Variants in TMEM260 observed in about 807,000 individuals in gnomAD.
The protein encoded by TMEM260 is protein O-mannosyl-transferase TMEM260.
Under a neutral mutation model 88.9 loss-of-function variants are expected in TMEM260, and 82 were observed. That is an observed-to-expected ratio of 0.92 (90% CI 0.77 to 1.11). The LOEUF (loss-of-function observed/expected upper bound fraction) is 1.11. Ranked by LOEUF, TMEM260 falls within the 50% of genes least tolerant of loss-of-function variation. The pLI, the probability that TMEM260 is intolerant of heterozygous loss-of-function variation, is 0.00. For synonymous variants in TMEM260, 314 were observed against 309.3 expected (o/e 1.02, Z -0.16); for missense variants, 902 against 853.4 (o/e 1.06, Z -0.71).
chr14:56,644,980 A>G (rs1160567384), intron 15 of TMEM260, among the ~76,000 whole-genome samples: 1 of 151,998 alleles, frequency 6.6e-6, no homozygotes, highest in Non-Finnish European at 1.5e-5. Context: ...CAATCATTAA[A>G]AAGTCAGGAA....
chr14:56,655,664 G>A, the TMEM260 span, among the ~76,000 whole-genome samples: 1 of 152,154 alleles, frequency 6.6e-6, no homozygotes, highest in Non-Finnish European at 1.5e-5. Context: ...CCAAGAAAAT[G>A]TGTGAACAAG....
intron 11 of TMEM260, among the ~76,000 whole-genome samples, chr14:56,622,070 G>A (rs1407375021): frequency 2.0e-5 from 3 of 152,128 alleles, no homozygotes; most frequent in South Asian, 2.1e-4. Context: ...CAGGCCGGGC[G>A]CAGTGGCTCA....
chr14:56,605,390 T>G (rs1340508608), intron 4 of TMEM260, among the ~76,000 whole-genome samples, 180 bp from the exon 5 acceptor site: 2 of 152,166 alleles, frequency 1.3e-5, no homozygotes, highest in African/African-American at 4.8e-5. Context: ...TTGGAAAATA[T>G]TAACAAAAAT....
At position 56,643,476 on chromosome 14, in the gene TMEM260, C is replaced by T. The variant is rs1889747841; in HGVS notation, c.1870-3767C>T. 2.0e-5 allele frequency among the ~76,000 whole-genome samples: 3 copies of T among 152,078 alleles called. No homozygotes were observed. The South Asian group carries it at 6.2e-4, about 32-fold the overall frequency. On this transcript the variant is annotated intron_variant, in intron 15 of 15. Transcript: ENST00000261556. ...ATTCAACAACCCTTCATGCTAAAAA[C>T]TCTCAATAAATTAGGTATTGATGGG...
intron 12 of TMEM260, among the ~76,000 whole-genome samples, chr14:56,630,472 CT>C (rs144741234): frequency 4.0e-5 from 6 of 150,930 alleles, no homozygotes; most frequent in South Asian, 2.1e-4. Context: ...TAAATTGTAT[CT>C]TTTTTTTTCT....
chr14:56,647,255 A>T lies in TMEM260; in HGVS notation c.1882A>T (p.Ile628Phe). Residue 628 changes from isoleucine to phenylalanine, a missense_variant, in exon 16 of 16, where the codon ATT becomes TTT. Transcript: ENST00000261556. ...YAQAYDLYKE[I>F]VYLQKEHPVN... ...TGCTGTTTTCTAGCTTTATAAGGAG[A>T]TTGTCTATTTACAAAAGGAGCACCC... 1 of 1,612,344 alleles carries T rather than the reference A, an allele frequency of 6.2e-7. No homozygotes were observed. The highest frequency in any genetic ancestry group is 1.7e-4 in the Middle Eastern group (1 of 6,058).
In TMEM260 at chr14:56,647,518, C is replaced by CTGCT; in HGVS notation, c.*22_*25dup. ...TCTGAGACAGCAAAATATGAAAAACCTGCTCATCGTTCAGCTTCCAAAATT... is the reference window on the plus strand; with the variant it reads ...TCTGAGACAGCAAAATATGAAAAACCTGCTTGCTCATCGTTCAGCTTCCAAAATT... On this transcript the variant is annotated 3_prime_UTR_variant, in exon 16 of 16. Coordinates refer to ENST00000261556, the MANE Select transcript of TMEM260 (RefSeq NM_017799.4). 4 of 1,564,248 alleles carry CTGCT rather than the reference C, an allele frequency of 2.6e-6. No individual in the cohort carries two copies. The highest frequency in any genetic ancestry group is 3.4e-6 in the Non-Finnish European group (4 of 1,160,086).
At chr14:56,605,548 T>A (rs1886843690) in intron 4 of TMEM260, 22 bp from the exon 5 acceptor site, 2 of 1,377,314 alleles carry the variant, frequency 1.5e-6, no homozygotes, top group South Asian at 2.9e-5. Flanking sequence ...TTACTTAATT[T>A]TTTTTTTTAA....
At position 56,579,856 on chromosome 14, in the gene TMEM260, C is replaced by A; in HGVS notation, c.-59C>A. ...GCGCTCGTCTCTCGGCTGGGGAGCT[C>A]CGTGTCGCACCGGGTTCTTGGGCTG... is the stretch of plus-strand genomic sequence containing the variant. On this transcript the variant is annotated 5_prime_UTR_variant, in exon 1 of 16. Coordinates refer to ENST00000261556, the MANE Select transcript of TMEM260 (RefSeq NM_017799.4). The A allele has an allele frequency of 8.2e-7, 1 of 1,226,014 alleles. No homozygotes were observed. Among genetic ancestry groups the A allele is most frequent in the Non-Finnish European group, 1.0e-6 (1 of 982,936 alleles). The allele number at this position is 1,226,014 out of a possible 1,614,324, so 75.9% of individuals were successfully genotyped here. A position where few individuals can be genotyped will look rare whatever the true frequency, so the allele number is the denominator to read the frequency against.
intron 7 of TMEM260, chr14:56,613,350 C>T (rs1275922196): frequency 3.3e-5 from 5 of 152,138 alleles, no homozygotes. Context: ...TCCAGCCATC[C>T]TTCCTTGCTT....
At chr14:56,630,435 T>C (rs1226298468) in intron 12 of TMEM260, among the ~76,000 whole-genome samples, 4 of 152,162 alleles carry the variant, frequency 2.6e-5, no homozygotes, top group Admixed American at 6.5e-5. Flanking sequence ...CTCTTTGCTT[T>C]TTTTTCAGTG....
chr14:56,619,151 T>A lies in TMEM260; in HGVS notation c.1226+388T>A, dbSNP rs562880408. Among the ~76,000 whole-genome samples, 6 of 152,322 alleles carry A rather than the reference T, an allele frequency of 3.9e-5. No homozygotes were observed. The East Asian group carries it at 1.2e-3, about 29-fold the overall frequency. ...ATAATTCACTTTATGCTTCCCTTTA[T>A]GTCCAGTTTACTCTGTAGTAGTAAA... On this transcript the variant is annotated intron_variant, in intron 10 of 15. Transcript: ENST00000261556.
At chr14:56,594,533 A>T (rs920022346) in intron 3 of TMEM260, among the ~76,000 whole-genome samples, 1 of 152,234 alleles carries the variant, frequency 6.6e-6, no homozygotes, top group Non-Finnish European at 1.5e-5. Context: ...GTGAAAATAC[A>T]ATCATGTTTT....
downstream of TMEM260, among the ~76,000 whole-genome samples, chr14:56,654,102 C>G (rs367647140): frequency 7.2e-5 from 11 of 152,318 alleles, no homozygotes; most frequent in South Asian, 1.7e-3. Context: ...ATACGTTGAA[C>G]TTTCCCCCTC....
chr14:56,588,650 G>A (rs970347601), intron 3 of TMEM260, among the ~76,000 whole-genome samples: 3 of 151,988 alleles, frequency 2.0e-5, no homozygotes, highest in Admixed American at 6.5e-5. Context: ...CACATTGAAA[G>A]CCGTGTCACT....
chr14:56,604,356 A>T (rs1444747535), intron 4 of TMEM260, among the ~76,000 whole-genome samples: 1 of 152,122 alleles, frequency 6.6e-6, no homozygotes, highest in Non-Finnish European at 1.5e-5. Flanking sequence ...GGATGCATTG[A>T]CTCACTCCTT....
At chr14:56,634,243 G>C (rs560796377) in intron 13 of TMEM260, among the ~76,000 whole-genome samples, 70 of 152,148 alleles carry the variant, frequency 4.6e-4, no homozygotes, top group African/African-American at 1.6e-3. Flanking sequence ...CAGCTCTTTG[G>C]CTCTTACCTC....
chr14:56,628,571 C>G (rs1345938962), intron 12 of TMEM260, among the ~76,000 whole-genome samples: 1 of 152,080 alleles, frequency 6.6e-6, no homozygotes, highest in Non-Finnish European at 1.5e-5. Flanking sequence ...CTCTTTGCTA[C>G]AAAGATTATC....
At chr14:56,624,349 G>A (rs540627180) in intron 11 of TMEM260, among the ~76,000 whole-genome samples, 6 of 152,306 alleles carry the variant, frequency 3.9e-5, no homozygotes, top group African/African-American at 4.8e-5. Context: ...CAAGGCGGGT[G>A]GAGCACTTGA....
Sources: allele counts gnomAD v4.1 joint callset (sites outside exome capture counted in the v4.1 genomes callset), GRCh38; gene constraint gnomAD v4.1.1; transcripts MANE v1.5; gene names NCBI Gene and HGNC (gene_info 2026-07-23, HGNC 2026-07-21).